The following PCGF2 variants were observed in gnomAD, a reference collection of about 807,000 sequenced individuals.
PCGF2 encodes polycomb group RING finger protein 2.
PCGF2 carries 8 observed loss-of-function variants against 36.1 expected under a neutral mutation model. That is an observed-to-expected ratio of 0.22 (90% CI 0.13 to 0.40). The LOEUF (loss-of-function observed/expected upper bound fraction) is 0.40, where lower values mean the gene tolerates loss of function less well. PCGF2 is among the 10% of genes least tolerant of loss of function. PCGF2 has a pLI of 1.00. For synonymous variants in PCGF2, 198 were observed against 191.2 expected, an observed-to-expected ratio of 1.04 and a Z score of -0.29; for missense variants, 436 against 475.9, an observed-to-expected ratio of 0.92 and a Z score of 0.78.
At chr17:38,745,732 G>A (rs1358496432) in intron 2 of PCGF2, among the ~76,000 whole-genome samples, 1 of 152,206 alleles carries the variant, frequency 6.6e-6, no homozygotes, top group East Asian at 1.9e-4. Flanking sequence ...GGTGGGAGGG[G>A]AAAAGAGCAG....
Position 38,735,214 on chromosome 17 carries a change from T to A in PCGF2, c.*9A>T, listed in dbSNP as rs377749543. 103 of 1,396,522 alleles carry A rather than the reference T, an allele frequency of 7.4e-5. No homozygotes were observed. The Admixed American group carries it at 3.0e-3, about 41-fold the overall frequency. 86.5% of individuals were successfully genotyped at this position (1,396,522 alleles called of 1,614,324 possible). On this transcript the variant is annotated 3_prime_UTR_variant, in exon 11 of 11. Transcript: ENST00000620225. ...GGCTTGGCTGGAAGAAGGGAGAGGG[T>A]CCCTGGCCTCAAGTTAAGGGGGGCA...
Position 38,739,284 on chromosome 17 carries a change from A to G in PCGF2, c.210-31T>C. On this transcript the variant is annotated intron_variant, in intron 4 of 10. Transcript: ENST00000620225. This position sits in a 1 kb window ranked among gnomAD's most constrained non-coding sequence, Gnocchi z 4.0. ...GAAAAATGGACAGGGCTTATCAGCA[A>G]TGCCTTCTCCAGAGCGCTCCGACCT... 1 of 1,602,798 alleles carries G rather than the reference A, an allele frequency of 6.2e-7. No homozygotes were observed. Among genetic ancestry groups the G allele is most frequent in the Non-Finnish European group, 8.5e-7 (1 of 1,170,234 alleles).
At chr17:38,749,579 C>T, upstream of PCGF2, 1 of 452,992 alleles carries the variant, frequency 2.2e-6, no homozygotes. This position sits in a 1 kb window ranked among gnomAD's most constrained non-coding sequence, Gnocchi z 6.5. Context: ...CCAGAGAGCT[C>T]GATTATCCAT....
In PCGF2 at chr17:38,739,330, G is replaced by A. The variant is rs1907015106; in HGVS notation, c.210-77C>T. 7.4e-7 allele frequency: 1 copy of A among 1,343,550 alleles called. No individual in the cohort carries two copies. Among genetic ancestry groups the A allele is most frequent in the Non-Finnish European group, 1.1e-6 (1 of 937,824 alleles). The allele number at this position is 1,343,550 out of a possible 1,614,324, so 83.2% of individuals were successfully genotyped here. A position where few individuals can be genotyped will look rare whatever the true frequency, so the allele number is the denominator to read the frequency against. ...GACCTCGCCCTGCTCTCCCAGCCAG[G>A]GTACCCCTCTTCCCACCCCCTTCCT... On this transcript the variant is annotated intron_variant, in intron 4 of 10. Transcript: ENST00000620225. The surrounding 1 kb of genome is among the most constrained non-coding windows in gnomAD (Gnocchi z 4.0).
chr17:38,748,928 C>T (rs1598024976), upstream of PCGF2, among the ~76,000 whole-genome samples: 1 of 152,210 alleles, frequency 6.6e-6, no homozygotes, highest in Non-Finnish European at 1.5e-5. Context: ...GGCAGGGGCG[C>T]TGGCCCCGAA....
At chr17:38,735,979 T>A in intron 10 of PCGF2, 111 bp downstream of exon 10, 1 of 777,490 alleles carries the variant, frequency 1.3e-6, no homozygotes, top group South Asian at 1.5e-5. Flanking sequence ...ATGCAGCTCA[T>A]GGGATAAGGG....
chr17:38,739,721 C>T lies in PCGF2; in HGVS notation c.113-39G>A. On this transcript the variant is annotated intron_variant, in intron 3 of 10. Coordinates refer to ENST00000620225, the MANE Select transcript of PCGF2 (RefSeq NM_007144.3). This position sits in a 1 kb window ranked among gnomAD's most constrained non-coding sequence, Gnocchi z 4.0. ...AGAGAGAGAGGAGAGTCAGAGCCAA[C>T]TTCCAACTCCAGGACCAGCCTCCCC... 1 of 1,477,534 alleles carries T rather than the reference C, an allele frequency of 6.8e-7. No individual in the cohort carries two copies. The highest frequency in any genetic ancestry group is 9.5e-7 in the Non-Finnish European group (1 of 1,055,654). The allele number at this position is 1,477,534 out of a possible 1,614,324, so 91.5% of individuals were successfully genotyped here.
In PCGF2 at chr17:38,735,027, CTGGT is replaced by C; in HGVS notation, c.*192_*195del. ...TGTTTCCTGTGGCATTTAAATTAAT[CTGGT>C]TGGTCCATAGAAAATAAGTATGTAT... On this transcript the variant is annotated 3_prime_UTR_variant, in exon 11 of 11. Transcript: ENST00000620225. 1 of 402,508 alleles carries C rather than the reference CTGGT, an allele frequency of 2.5e-6. No homozygotes were observed. The highest frequency in any genetic ancestry group is 4.4e-6 in the Non-Finnish European group (1 of 227,484). 24.9% of individuals were successfully genotyped at this position (402,508 alleles called of 1,614,324 possible). A position where few individuals can be genotyped will look rare whatever the true frequency, so the allele number is the denominator to read the frequency against.
intron 2 of PCGF2, among the ~76,000 whole-genome samples, chr17:38,744,940 C>CGTG (rs1907444548): frequency 6.6e-6 from 1 of 152,198 alleles, no homozygotes; most frequent in Admixed American, 6.5e-5. Flanking sequence ...TTCAGCTGGG[C>CGTG]GTGGTGGCTC....
chr17:38,744,145 T>G (rs1907388235), intron 2 of PCGF2, among the ~76,000 whole-genome samples: 1 of 152,178 alleles, frequency 6.6e-6, no homozygotes, highest in Admixed American at 6.5e-5. Flanking sequence ...CTTCTGCCAT[T>G]GTCTTTGCAA....
chr17:38,749,765 G>A (rs1291727549), upstream of PCGF2: 11 of 453,612 alleles, frequency 2.4e-5, no homozygotes, highest in Non-Finnish European at 4.4e-5. The surrounding 1 kb of genome is among the most constrained non-coding windows in gnomAD (Gnocchi z 6.5). Context: ...CCGGCGACCA[G>A]GAGACCTGCG....
At chr17:38,746,923 G>A (rs1361796307) in intron 2 of PCGF2, among the ~76,000 whole-genome samples, 1 of 152,144 alleles carries the variant, frequency 6.6e-6, no homozygotes. Context: ...GGGGGAGGGA[G>A]GAGAGAAATT....
intron 10 of PCGF2, 143 bp downstream of exon 10, chr17:38,735,947 G>C: frequency 1.5e-6 from 1 of 678,624 alleles, no homozygotes; most frequent in Non-Finnish European, 2.6e-6. Flanking sequence ...AGGCTGACCT[G>C]CTGTAGCAAG....
At chr17:38,743,681 T>A (rs1907352043) in intron 2 of PCGF2, among the ~76,000 whole-genome samples, 1 of 152,130 alleles carries the variant, frequency 6.6e-6, no homozygotes, top group Non-Finnish European at 1.5e-5. Context: ...GATTGGCTCC[T>A]CACCTGATTG....
In PCGF2 at chr17:38,739,520, C is replaced by A; in HGVS notation, c.209+66G>T. 1 of 1,258,264 alleles carries A rather than the reference C, an allele frequency of 7.9e-7. No individual in the cohort carries two copies. The highest frequency in any genetic ancestry group is 2.0e-4 in the Middle Eastern group (1 of 4,982). The allele number at this position is 1,258,264 out of a possible 1,614,324, so 77.9% of individuals were successfully genotyped here. A position where few individuals can be genotyped will look rare whatever the true frequency, so the allele number is the denominator to read the frequency against. On this transcript the variant is annotated intron_variant, in intron 4 of 10. Transcript: ENST00000620225. This position sits in a 1 kb window ranked among gnomAD's most constrained non-coding sequence, Gnocchi z 4.0. Reference sequence around the variant, plus strand: ...CGCCTTGGCTGAAGGAAGCACGGAGCGTGGGAGGGATGGGGGAGGCTGACC... The same window carrying A: ...CGCCTTGGCTGAAGGAAGCACGGAGAGTGGGAGGGATGGGGGAGGCTGACC...
At chr17:38,748,398 T>A (rs1598024564), upstream of PCGF2, 1 of 74,456 alleles carries the variant, frequency 1.3e-5, no homozygotes, top group Admixed American at 1.4e-4. Flanking sequence ...GGGACCGGAG[T>A]GTGGGGGGGA....
chr17:38,736,739 C>T (rs1337024263), intron 9 of PCGF2, among the ~76,000 whole-genome samples: 5 of 151,676 alleles, frequency 3.3e-5, no homozygotes, highest in Admixed American at 3.3e-4. Flanking sequence ...GAGGCTGAGG[C>T]AGGAGAATGG....
Position 38,735,560 on chromosome 17 carries a change from C to T in PCGF2, c.698G>A (p.Cys233Tyr), listed in dbSNP as rs756899659. 1.3e-6 allele frequency: 2 copies of T among 1,584,388 alleles called. No homozygotes were observed. The highest frequency in any genetic ancestry group is 2.3e-5 in the East Asian group (1 of 43,592). ...LPLKYRVQPA[C>Y]KRLTLATVPT... Reference sequence around the variant, plus strand: ...CACCGTGGCTAGGGTGAGCCGCTTGCAGGCTGGCTGGACACGGTACTTGAG... The same window carrying T: ...CACCGTGGCTAGGGTGAGCCGCTTGTAGGCTGGCTGGACACGGTACTTGAG... The change falls in exon 11 of 11, where the codon TGC becomes TAC. Residue 233 changes from cysteine (C) to tyrosine (Y), a missense_variant. Around this residue, in one of 3 missense-constraint regions of PCGF2, gnomAD observed 227 missense variants for 212.9 expected, o/e 1.07. Transcript: ENST00000620225.
chr17:38,738,250 C>G, intron 9 of PCGF2, 103 bp downstream of exon 9: 1 of 969,680 alleles, frequency 1.0e-6, no homozygotes, highest in Non-Finnish European at 1.6e-6. Context: ...ACCGCGCAAG[C>G]CCTGGGTGAC....
Sources: allele counts gnomAD v4.1 joint callset (sites outside exome capture counted in the v4.1 genomes callset), GRCh38; gene constraint gnomAD v4.1.1; regional missense constraint gnomAD v4.1.1; non-coding constraint Gnocchi (gnomAD v3.1); transcripts MANE v1.5; gene names NCBI Gene and HGNC (gene_info 2026-07-23, HGNC 2026-07-21).